Variants in PDE4D observed in about 807,000 individuals in gnomAD.
PDE4D encodes the protein phosphodiesterase 4D.
In PDE4D, 24 loss-of-function variants were observed where a neutral mutation model predicts 87.4. That is an observed-to-expected ratio of 0.27 (90% CI 0.20 to 0.39). PDE4D has a LOEUF of 0.39. Among genes scored for constraint, PDE4D ranks in the 10% least tolerant of loss-of-function variants. PDE4D has a pLI of 1.00. For synonymous variants in PDE4D, 384 were observed against 383.2 expected (o/e 1.00, Z -0.02); for missense variants, 714 against 1,041.0 (o/e 0.69, Z 4.32).
intron 1 of PDE4D, among the ~76,000 whole-genome samples, chr5:59,316,266 A>C (rs1219580848): frequency 6.6e-6 from 1 of 152,208 alleles, no homozygotes; most frequent in Admixed American, 6.5e-5. Context: ...AGATTCATGA[A>C]ATTTCAAAAA....
At chr5:59,552,452 A>C (rs1013169609) in intron 1 of PDE4D, among the ~76,000 whole-genome samples, 5 of 152,176 alleles carry the variant, frequency 3.3e-5, no homozygotes, top group Non-Finnish European at 7.4e-5. Flanking sequence ...CTAGAACAAT[A>C]ACTTGACAAT....
intron 1 of PDE4D, among the ~76,000 whole-genome samples, chr5:59,401,057 A>G (rs543078249): frequency 6.6e-6 from 1 of 152,348 alleles, no homozygotes; most frequent in African/African-American, 2.4e-5. Context: ...GGTTCAGTGT[A>G]CACAAACTTT....
chr5:59,241,698 T>C (rs1028757939), intron 1 of PDE4D, among the ~76,000 whole-genome samples: 9 of 152,148 alleles, frequency 5.9e-5, no homozygotes, highest in Non-Finnish European at 1.3e-4. Flanking sequence ...TTAACTAAAT[T>C]TGACTTGAAA....
chr5:60,514,982 G>C (rs1387708720), intron 1 of PDE4D, among the ~76,000 whole-genome samples: 1 of 152,132 alleles, frequency 6.6e-6, no homozygotes, highest in African/African-American at 2.4e-5. Context: ...AGTTTAGCAA[G>C]TTTGCTGGAT....
intron 2 of PDE4D, among the ~76,000 whole-genome samples, chr5:60,010,262 T>C (rs1169430659): frequency 6.6e-6 from 1 of 152,116 alleles, no homozygotes; most frequent in Non-Finnish European, 1.5e-5. Flanking sequence ...GGCATGAAAA[T>C]AGTGCCCACC....
At chr5:60,310,267 A>C (rs1754891255) in intron 1 of PDE4D, among the ~76,000 whole-genome samples, 7 of 152,236 alleles carry the variant, frequency 4.6e-5, no homozygotes, top group Admixed American at 4.6e-4. Context: ...TTAAAAAATC[A>C]CATATACAGT....
intron 1 of PDE4D, among the ~76,000 whole-genome samples, chr5:59,440,810 A>T (rs1171652907): frequency 6.6e-6 from 1 of 152,128 alleles, no homozygotes; most frequent in Non-Finnish European, 1.5e-5. Context: ...AGATCCTCAT[A>T]GTTAAAAGGT....
chr5:59,285,789 C>T (rs2153551657), intron 1 of PDE4D, among the ~76,000 whole-genome samples: 1 of 152,224 alleles, frequency 6.6e-6, no homozygotes, highest in South Asian at 2.1e-4. Flanking sequence ...CACATTTTGG[C>T]AGGACAATGG....
chr5:60,193,042 A>G (rs974246143), intron 1 of PDE4D, among the ~76,000 whole-genome samples: 1 of 152,212 alleles, frequency 6.6e-6, no homozygotes, highest in Non-Finnish European at 1.5e-5. Flanking sequence ...GTTGGAAAAC[A>G]GATGGCTAAA....
intron 3 of PDE4D, among the ~76,000 whole-genome samples, chr5:59,956,425 G>A (rs1159597294): frequency 6.6e-6 from 1 of 152,042 alleles, no homozygotes; most frequent in Non-Finnish European, 1.5e-5. Context: ...TTAGATTCAT[G>A]TCTTGCAAAA....
chr5:59,103,668 T>C (rs1377453555), intron 5 of PDE4D, among the ~76,000 whole-genome samples: 1 of 152,214 alleles, frequency 6.6e-6, no homozygotes, highest in Non-Finnish European at 1.5e-5. Context: ...ATGATCTGCC[T>C]GACCCCTGGT....
chr5:60,192,719 G>T (rs974234708), intron 1 of PDE4D, among the ~76,000 whole-genome samples: 1 of 152,136 alleles, frequency 6.6e-6, no homozygotes, highest in Non-Finnish European at 1.5e-5. Context: ...GACTGAAAAA[G>T]TTAGCAAAAT....
Position 59,354,384 on chromosome 5 carries a change from CAT to C in PDE4D, c.456-138418_456-138417del, listed in dbSNP as rs1781016227. On this transcript the variant is annotated intron_variant, in intron 1 of 14. Transcript: ENST00000340635. ...GGCTGTGACATTATGAGATATTTTA[CAT>C]GTTTACATCAAATAGTTTAACACCT... Among the ~76,000 whole-genome samples the C allele has an allele frequency of 3.9e-5, 6 of 152,222 alleles. No individual in the cohort carries two copies. The South Asian group carries it at 1.2e-3, about 32-fold the overall frequency.
chr5:60,244,668 TCAA>T (rs1747511002), intron 1 of PDE4D, among the ~76,000 whole-genome samples: 1 of 152,012 alleles, frequency 6.6e-6, no homozygotes, highest in Admixed American at 6.6e-5. Flanking sequence ...GAACTCATTT[TCAA>T]CAACAATGCC....
intron 1 of PDE4D, among the ~76,000 whole-genome samples, chr5:59,868,509 C>T (rs1490562105): frequency 6.6e-6 from 1 of 152,082 alleles, no homozygotes; most frequent in African/African-American, 2.4e-5. Flanking sequence ...TCACAGACCC[C>T]TAAGAGAATC....
intron 1 of PDE4D, among the ~76,000 whole-genome samples, chr5:59,877,400 T>C (rs184379628): frequency 6.6e-6 from 1 of 150,472 alleles, no homozygotes; most frequent in Non-Finnish European, 1.5e-5. Flanking sequence ...ACATACATGT[T>C]CATAAGTGCA....
chr5:60,089,389 C>A (rs1260035607), intron 2 of PDE4D, among the ~76,000 whole-genome samples: 3 of 151,810 alleles, frequency 2.0e-5, no homozygotes, highest in African/African-American at 7.3e-5. Flanking sequence ...AGAGAAGGAA[C>A]ATTGGAAACT....
intron 1 of PDE4D, among the ~76,000 whole-genome samples, chr5:59,393,969 AT>A (rs902541094): frequency 2.6e-5 from 4 of 152,310 alleles, no homozygotes; most frequent in African/African-American, 9.6e-5. Flanking sequence ...TAGAAATAGT[AT>A]TTTTTATCTG....
intron 2 of PDE4D, among the ~76,000 whole-genome samples, chr5:60,076,116 T>C (rs1773262494): frequency 6.6e-6 from 1 of 152,122 alleles, no homozygotes; most frequent in South Asian, 2.1e-4. Context: ...GTTCCCACAC[T>C]GGTTTTTTCT....
Sources: allele counts gnomAD v4.1 joint callset (sites outside exome capture counted in the v4.1 genomes callset), GRCh38; gene constraint gnomAD v4.1.1; transcripts MANE v1.5; gene names NCBI Gene and HGNC (gene_info 2026-07-23, HGNC 2026-07-21).